The following DNMT1 variants were observed in gnomAD, a reference collection of about 807,000 sequenced individuals.
The protein encoded by DNMT1 is DNA (cytosine-5)-methyltransferase 1.
DNMT1 carries 24 observed loss-of-function variants against 205.3 expected under a neutral mutation model. The observed-to-expected ratio is 0.12, with a 90% CI of 0.08 to 0.16. DNMT1 has a LOEUF of 0.16. Among genes scored for constraint, DNMT1 ranks in the 10% least tolerant of loss-of-function variants. The probability of loss-of-function intolerance (pLI) is 1.00; values close to 1 mark genes in which losing one functional copy is unlikely to be tolerated. For synonymous variants in DNMT1, 817 were observed against 839.8 expected, an observed-to-expected ratio of 0.97 and a Z score of 0.47; for missense variants, 1,293 against 2,177.7, an observed-to-expected ratio of 0.59 and a Z score of 8.09.
rs934191962 is a variant in DNMT1 at position 10,170,769 on chromosome 19, GTTTT to G, written c.768+2317_768+2320del. 1.5e-3 allele frequency among the ~76,000 whole-genome samples: 220 copies of G among 151,362 alleles called. 1 individual carries two copies. The highest frequency in any genetic ancestry group is 5.2e-3 in the Admixed American group (79 of 15,158). Reference sequence around the variant, plus strand: ...TGGTAAGAAACTTCTAGTCATCTTGGTTTTTTTTTGTTTGTTTGTTTTGTTTGTT... The same window carrying G: ...TGGTAAGAAACTTCTAGTCATCTTGGTTTTTGTTTGTTTGTTTTGTTTGTT... On this transcript the variant is annotated intron_variant, in intron 9 of 40. Transcript: ENST00000359526.
At position 10,146,583 on chromosome 19, in the gene DNMT1, C is replaced by A. The variant is rs2038209221; in HGVS notation, c.2721-59G>T. 8.1e-6 allele frequency: 13 copies of A among 1,601,762 alleles called. No individual in the cohort carries two copies. The highest frequency in any genetic ancestry group is 1.1e-5 in the Non-Finnish European group (13 of 1,172,318). On this transcript the variant is annotated intron_variant, in intron 27 of 40. Coordinates refer to ENST00000359526, the MANE Select transcript of DNMT1 (RefSeq NM_001130823.3). This position sits in a 1 kb window ranked among gnomAD's most constrained non-coding sequence, Gnocchi z 4.4. Reference sequence around the variant, plus strand: ...CTGAGGTGGCCGGCAGTGGCCGCAGCAGCTACTGCCAGCTTAATCCAGAGA... The same window carrying A: ...CTGAGGTGGCCGGCAGTGGCCGCAGAAGCTACTGCCAGCTTAATCCAGAGA...
intron 12 of DNMT1, 46 bp downstream of exon 12, chr19:10,163,280 C>T (rs1167778230): frequency 6.2e-7 from 1 of 1,609,830 alleles, no homozygotes; most frequent in Non-Finnish European, 8.5e-7. Context: ...AACAGGCTTT[C>T]TACTGATCCA....
chr19:10,193,551 A>G (rs1043756696), intron 1 of DNMT1, among the ~76,000 whole-genome samples: 3 of 151,362 alleles, frequency 2.0e-5, no homozygotes, highest in Non-Finnish European at 4.4e-5. Context: ...TTTAGTAGAC[A>G]TGGGGTTTTG....
Position 10,143,361 on chromosome 19 carries a change from G to A in DNMT1, c.3116+405C>T, listed in dbSNP as rs541320437. Reference sequence around the variant, plus strand: ...CTCCCAAGTAGCTGGGATTACAGGCGTGTGCCACCACGCCCAGCTAGTCTT... The same window carrying A: ...CTCCCAAGTAGCTGGGATTACAGGCATGTGCCACCACGCCCAGCTAGTCTT... On this transcript the variant is annotated intron_variant, in intron 29 of 40. Coordinates refer to ENST00000359526, the MANE Select transcript of DNMT1 (RefSeq NM_001130823.3). Among the ~76,000 whole-genome samples the A allele has an allele frequency of 3.2e-3, 481 of 151,538 alleles. 3 individuals carry two copies. The highest frequency in any genetic ancestry group is 5.6e-3 in the South Asian group (27 of 4,786).
At position 10,140,669 on chromosome 19, in the gene DNMT1, C is replaced by T. The variant is rs550384703; in HGVS notation, c.3523+112G>A. On this transcript the variant is annotated intron_variant, in intron 32 of 40. Coordinates refer to ENST00000359526, the MANE Select transcript of DNMT1 (RefSeq NM_001130823.3). This position sits in a 1 kb window ranked among gnomAD's most constrained non-coding sequence, Gnocchi z 8.4. ...AGGCGTGCGCCACCGTGCCTGGCCT[C>T]GGAAGGAGATTCTTGAGTCAGGAAG... 38 of 1,588,150 alleles carry T rather than the reference C, an allele frequency of 2.4e-5. No individual in the cohort carries two copies. Among genetic ancestry groups the T allele is most frequent in the East Asian group, 9.0e-5 (4 of 44,674 alleles).
chr19:10,135,498 C>T, intron 39 of DNMT1: 1 of 565,416 alleles, frequency 1.8e-6, no homozygotes, highest in Non-Finnish European at 3.2e-6. Flanking sequence ...ACGGACTGTC[C>T]TTCTGGCTCA....
At chr19:10,194,744 A>AC (rs1268462917) in intron 1 of DNMT1, 76 bp downstream of exon 1, 38 of 1,499,582 alleles carry the variant, frequency 2.5e-5, no homozygotes, top group Non-Finnish European at 3.0e-5. Context: ...GCCACCGGCC[A>AC]CCCCGAGGGG....
chr19:10,151,585 G>C lies in DNMT1; in HGVS notation c.2118-40C>G, dbSNP rs950108998. ...GTTATACCTAAGGCCCCTTTTCTAAGTAAGACCAACCGGGGCTGTTTTCTT... is the reference window on the plus strand; with the variant it reads ...GTTATACCTAAGGCCCCTTTTCTAACTAAGACCAACCGGGGCTGTTTTCTT... On this transcript the variant is annotated intron_variant, in intron 23 of 40. Transcript: ENST00000359526. This position sits in a 1 kb window ranked among gnomAD's most constrained non-coding sequence, Gnocchi z 5.0. The C allele has an allele frequency of 4.2e-5, 67 of 1,612,496 alleles. No individual in the cohort carries two copies. The highest frequency in any genetic ancestry group is 5.2e-5 in the Non-Finnish European group (61 of 1,180,032).
intron 5 of DNMT1, among the ~76,000 whole-genome samples, chr19:10,179,068 G>A (rs1342652649): frequency 6.8e-6 from 1 of 146,838 alleles, no homozygotes; most frequent in Non-Finnish European, 1.5e-5. Context: ...GGCAGAGCTT[G>A]CAGTGAGCCG....
intron 29 of DNMT1, among the ~76,000 whole-genome samples, chr19:10,142,465 T>A (rs1282103248): frequency 1.4e-5 from 2 of 139,538 alleles, no homozygotes; most frequent in Non-Finnish European, 3.1e-5. Context: ...CCCCCCCTAG[T>A]TAGGGAACCA....
chr19:10,194,577 G>T, intron 1 of DNMT1: 1 of 481,144 alleles, frequency 2.1e-6, no homozygotes, highest in Non-Finnish European at 3.7e-6. Context: ...CCCCCACCCC[G>T]CCTAGTTTCT....
intron 9 of DNMT1, among the ~76,000 whole-genome samples, chr19:10,169,523 C>T (rs547659937): frequency 6.6e-6 from 1 of 151,818 alleles, no homozygotes; most frequent in African/African-American, 2.4e-5. Flanking sequence ...TGCCACTGCA[C>T]TCCAGCCTGG....
intron 13 of DNMT1, among the ~76,000 whole-genome samples, 179 bp from the exon 14 acceptor site, chr19:10,160,597 C>T (rs899078242): frequency 1.5e-4 from 23 of 152,250 alleles, no homozygotes; most frequent in African/African-American, 5.5e-4. Context: ...TCATAGAATA[C>T]AAAATCTTAT....
chr19:10,134,132 C>T (rs1198908488), intron 40 of DNMT1, 85 bp downstream of exon 40: 2 of 1,484,038 alleles, frequency 1.3e-6, no homozygotes, highest in Non-Finnish European at 1.9e-6. Context: ...GTCCCAGAGC[C>T]CAAAACGGTG....
At chr19:10,152,510 G>A (rs572808179) in intron 22 of DNMT1, among the ~76,000 whole-genome samples, 12 of 151,974 alleles carry the variant, frequency 7.9e-5, no homozygotes, top group Admixed American at 2.0e-4. Context: ...CTGCAGTCCC[G>A]GCAACTCAGG....
chr19:10,140,766 C>G lies in DNMT1; in HGVS notation c.3523+15G>C. ...GCTCACCAGGTATTCAGAGATGGAGCCTACGGGCGCTCACCTGCTTGGTGG... is the reference window on the plus strand; with the variant it reads ...GCTCACCAGGTATTCAGAGATGGAGGCTACGGGCGCTCACCTGCTTGGTGG... On this transcript the variant is annotated intron_variant, in intron 32 of 40. Coordinates refer to ENST00000359526, the MANE Select transcript of DNMT1 (RefSeq NM_001130823.3). The surrounding 1 kb of genome is among the most constrained non-coding windows in gnomAD (Gnocchi z 8.4). 6.2e-7 allele frequency: 1 copy of G among 1,613,984 alleles called. No homozygotes were observed. The highest frequency in any genetic ancestry group is 8.5e-7 in the Non-Finnish European group (1 of 1,179,932).
Position 10,138,213 on chromosome 19 carries a change from G to A in DNMT1, c.4116-204C>T, listed in dbSNP as rs75357496. 0.042 allele frequency among the ~76,000 whole-genome samples: 6,400 copies of A among 152,354 alleles called. 474 individuals carry two copies. Among genetic ancestry groups the A allele is most frequent in the African/African-American group, 0.15 (6,041 of 41,572 alleles). On this transcript the variant is annotated intron_variant, in intron 35 of 40. Transcript: ENST00000359526. This position sits in a 1 kb window ranked among gnomAD's most constrained non-coding sequence, Gnocchi z 4.1. ...GGGCTTTGTGGATGACCACAGCCAA[G>A]CATGCGGCTGGCCGCTCTGCACATG...
rs886267558 is a variant in DNMT1, at chr19:10,154,591, T to C, written c.1827A>G (p.Gly609=). 1.4e-5 allele frequency: 23 copies of C among 1,613,868 alleles called. No homozygotes were observed. The highest frequency in any genetic ancestry group is 1.9e-5 in the Non-Finnish European group (23 of 1,179,932). Residue 609 remains glycine, a synonymous_variant, in exon 21 of 41, where the codon GGA becomes GGG. Coordinates refer to ENST00000359526, the MANE Select transcript of DNMT1 (RefSeq NM_001130823.3). This position sits in a 1 kb window ranked among gnomAD's most constrained non-coding sequence, Gnocchi z 6.3. ...GGTCCCTGCCGCATCCTTACCTCTG[T>C]CCCAGCGTGACCCCAGCCAGCTTGA... The part of the protein sequence containing the change: ...DLIKLAGVTL[G]QRRAQARRQT...
chr19:10,160,449 G>C, intron 13 of DNMT1, 31 bp from the exon 14 acceptor site: 1 of 1,613,028 alleles, frequency 6.2e-7, no homozygotes, highest in Non-Finnish European at 8.5e-7. Context: ...AGGATTAAAG[G>C]CTAAGAGAGT....
Sources: gnomAD v4.1 joint callset for allele counts (sites outside exome capture counted in the v4.1 genomes callset) on GRCh38, gnomAD v4.1.1 for gene constraint, Gnocchi (gnomAD v3.1) non-coding constraint, MANE v1.5 for transcripts, NCBI Gene and HGNC (gene_info 2026-07-23, HGNC 2026-07-21) for gene names.